Variants in COP1 observed in about 807,000 individuals in gnomAD.
The protein encoded by COP1 is COP1 E3 ubiquitin ligase, also known as E3 ubiquitin-protein ligase COP1.
COP1 carries 24 observed loss-of-function variants against 101.3 expected under a neutral mutation model. That is an observed-to-expected ratio of 0.24 (90% CI 0.17 to 0.33). COP1 has a LOEUF of 0.33. Ranked by LOEUF, COP1 falls within the 10% of genes least tolerant of loss-of-function variation. The pLI is 1.00. For missense variants in COP1, 663 were observed against 906.2 expected, an observed-to-expected ratio of 0.73 and a Z score of 3.45; for synonymous variants, 347 against 341.9, an observed-to-expected ratio of 1.01 and a Z score of -0.17.
intron 8 of COP1, chr1:176,133,941 T>C (rs1400389868): frequency 2.3e-6 from 1 of 437,502 alleles, no homozygotes; most frequent in East Asian, 7.0e-5. Flanking sequence ...CATTCTCAAA[T>C]GTTTCAAAGA....
chr1:176,139,273 C>CAGAAACAAAAA (rs1690270873), intron 6 of COP1, among the ~76,000 whole-genome samples: 3 of 116,262 alleles, frequency 2.6e-5, no homozygotes, highest in South Asian at 2.9e-4. Context: ...AGTGAAAAAA[C>CAGAAACAAAAA]AAAAACAAAA....
chr1:176,061,413 G>A (rs992295327), intron 11 of COP1, among the ~76,000 whole-genome samples: 4 of 152,140 alleles, frequency 2.6e-5, no homozygotes, highest in African/African-American at 9.7e-5. Context: ...GATCACCTGA[G>A]GTCAGGAGTT....
intron 11 of COP1, among the ~76,000 whole-genome samples, chr1:176,058,524 C>A (rs1161271838): frequency 6.6e-6 from 1 of 152,120 alleles, no homozygotes; most frequent in Non-Finnish European, 1.5e-5. Flanking sequence ...AAGGGCGGTG[C>A]AAGATGTGCT....
Position 176,206,974 on chromosome 1 carries a change from G to T in COP1, c.5C>A (p.Ser2Tyr). The T allele has an allele frequency of 1.4e-6, 2 of 1,394,388 alleles. No homozygotes were observed. Among genetic ancestry groups the T allele is most frequent in the South Asian group, 1.5e-5 (1 of 66,594 alleles). 86.4% of individuals were successfully genotyped at this position (1,394,388 alleles called of 1,614,324 possible). Residue 2 changes from serine (S) to tyrosine (Y), a missense_variant, in exon 1 of 20, where the codon TCT becomes TAT. Ser to Tyr is a moderately radical substitution (Grantham distance 144). Around this residue, in one of 4 missense-constraint regions of COP1, gnomAD observed 204 missense variants for 203.6 expected, o/e 1.00. Coordinates refer to ENST00000367669, the MANE Select transcript of COP1 (RefSeq NM_022457.7). Reference protein sequence around the residue: MSGSRQAGSGSA... With the variant: MYGSRQAGSGSA... ...GCCCGACCCGGCCTGGCGGCTACCA[G>T]ACATCGTGACTCCCTCCCCTCCAGC...
intron 9 of COP1, among the ~76,000 whole-genome samples, chr1:176,107,937 T>C (rs560058901): frequency 6.6e-6 from 1 of 152,202 alleles, no homozygotes; most frequent in African/African-American, 2.4e-5. Context: ...TCAAGAATGT[T>C]GATGTCATAA....
At chr1:176,090,794 A>C (rs1681135359) in intron 9 of COP1, among the ~76,000 whole-genome samples, 1 of 152,202 alleles carries the variant, frequency 6.6e-6, no homozygotes. Context: ...ATGGCCAGAG[A>C]CTCAGAAGAA....
Position 176,189,331 on chromosome 1 carries a change from T to C in COP1, c.408-4639A>G, listed in dbSNP as rs1010908183. On this transcript the variant is annotated intron_variant, in intron 1 of 19. Transcript: ENST00000367669. ...ATTAGATTATAATTGTCATTTGTTT[T>C]GGTCATATTTTTCTGGCTTGCTTTC... Among the ~76,000 whole-genome samples, 351 of 152,252 alleles carry C rather than the reference T, an allele frequency of 2.3e-3. 8 individuals carry two copies. The highest frequency in any genetic ancestry group is 4.0e-4 in the Non-Finnish European group (27 of 67,992).
rs1329292918 is a variant in COP1 at position 175,986,852 on chromosome 1, C to A, written c.2133+91G>T. On this transcript the variant is annotated intron_variant, in intron 18 of 19. Transcript: ENST00000367669. ...TTTTTTAAAAAGTACATACCACATA[C>A]CAATTTATATTTTAAAATTTAATCA... The A allele has an allele frequency of 6.7e-6, 7 of 1,037,572 alleles. No homozygotes were observed. In the South Asian group the frequency reaches 1.3e-4, roughly 20 times the overall value. The allele number at this position is 1,037,572 out of a possible 1,614,324, so 64.3% of individuals were successfully genotyped here.
rs1433431984 is a variant in COP1, at chr1:175,951,453, TATATATATAA to T, written c.2134-4224_2134-4215del. 1.4e-4 allele frequency among the ~76,000 whole-genome samples: 14 copies of T among 96,594 alleles called. 2 individuals carry two copies. The highest frequency in any genetic ancestry group is 1.8e-4 in the Non-Finnish European group (8 of 43,652). The allele number at this position is 96,594 out of a possible 152,430, so 63.4% of individuals were successfully genotyped here. On this transcript the variant is annotated intron_variant, in intron 18 of 19. Coordinates refer to ENST00000367669, the MANE Select transcript of COP1 (RefSeq NM_022457.7). ...AGATACGTGAATATATATATATATA[TATATATATAA>T]AAACTTCCATTTTTGGCCATAACAG...
intron 14 of COP1, among the ~76,000 whole-genome samples, chr1:176,035,673 C>G (rs984323785): frequency 1.6e-5 from 2 of 124,898 alleles, no homozygotes; most frequent in Non-Finnish European, 3.3e-5. Context: ...TAAAATCAGA[C>G]TTTAACATTT....
At chr1:176,004,139 T>A (rs1662490110) in intron 15 of COP1, among the ~76,000 whole-genome samples, 1 of 151,502 alleles carries the variant, frequency 6.6e-6, no homozygotes, top group African/African-American at 2.4e-5. Flanking sequence ...CACTCATGAT[T>A]CGGCTCTCTG....
chr1:176,004,577 G>T (rs565491015), intron 15 of COP1, among the ~76,000 whole-genome samples: 14 of 152,156 alleles, frequency 9.2e-5, no homozygotes, highest in Non-Finnish European at 1.8e-4. Context: ...GTTGCATTTT[G>T]TTGAAGGCTT....
At chr1:176,072,682 A>G (rs990008121) in intron 11 of COP1, among the ~76,000 whole-genome samples, 3 of 152,206 alleles carry the variant, frequency 2.0e-5, no homozygotes, top group African/African-American at 7.2e-5. Context: ...GCACTCTACA[A>G]TAAGGAACAT....
intron 11 of COP1, among the ~76,000 whole-genome samples, chr1:176,052,962 C>G (rs986816996): frequency 1.3e-5 from 2 of 151,922 alleles, no homozygotes; most frequent in Non-Finnish European, 2.9e-5. Context: ...AATTATTTAA[C>G]CAGGAACATT....
At chr1:176,192,736 G>A (rs704830) in intron 1 of COP1, among the ~76,000 whole-genome samples, 131,306 of 152,090 alleles carry the variant, frequency 0.86, 58,749 homozygotes, top group Non-Finnish European at 0.98. Flanking sequence ...TTCTATTACA[G>A]TATAAGAAAA....
chr1:175,993,856 A>G (rs1659362322), intron 15 of COP1, among the ~76,000 whole-genome samples: 1 of 152,220 alleles, frequency 6.6e-6, no homozygotes, highest in Admixed American at 6.5e-5. Flanking sequence ...CCAATCTAGC[A>G]AGGCAGGCCA....
At chr1:175,999,468 T>C (rs1661078068) in intron 15 of COP1, among the ~76,000 whole-genome samples, 1 of 152,046 alleles carries the variant, frequency 6.6e-6, no homozygotes, top group Non-Finnish European at 1.5e-5. Context: ...TGAATAGTAC[T>C]CCATTTTGTA....
chr1:176,190,511 T>A (rs1699001710), intron 1 of COP1, among the ~76,000 whole-genome samples: 1 of 135,518 alleles, frequency 7.4e-6, no homozygotes, highest in African/African-American at 2.6e-5. Flanking sequence ...AAAGATAATG[T>A]ATGTCACTTG....
At chr1:175,952,800 C>G (rs1358198794) in intron 18 of COP1, among the ~76,000 whole-genome samples, 1 of 131,754 alleles carries the variant, frequency 7.6e-6, no homozygotes, top group African/African-American at 2.6e-5. Flanking sequence ...GCCTCTAGTC[C>G]CAGCTACTCC....
Sources: gnomAD v4.1 joint callset for allele counts (sites outside exome capture counted in the v4.1 genomes callset) on GRCh38, gnomAD v4.1.1 for gene constraint, gnomAD v4.1.1 regional missense constraint, MANE v1.5 for transcripts, NCBI Gene and HGNC (gene_info 2026-07-23, HGNC 2026-07-21) for gene names.